The following NALF1 variants were observed in gnomAD, a reference collection of about 807,000 sequenced individuals.
The protein encoded by NALF1 is NALCN channel auxiliary factor 1, also known as family with sequence similarity 155 member A.
Under a neutral mutation model 48.4 loss-of-function variants are expected in NALF1, and 3 were observed. The observed-to-expected ratio is 0.06, with a 90% CI of 0.03 to 0.16. The LOEUF is 0.16. NALF1 is among the 10% of genes least tolerant of loss of function. The pLI, the probability that NALF1 is intolerant of heterozygous loss-of-function variation, is 1.00. For synonymous variants in NALF1, 262 were observed against 245.7 expected (o/e 1.07, Z -0.62); for missense variants, 526 against 571.5 (o/e 0.92, Z 0.81).
chr13:107,505,920 G>C (rs1452449213), intron 1 of NALF1, among the ~76,000 whole-genome samples: 2 of 152,142 alleles, frequency 1.3e-5, no homozygotes, highest in Non-Finnish European at 2.9e-5. Flanking sequence ...CATCGGCAGA[G>C]TGGTTTGCCT....
intron 1 of NALF1, among the ~76,000 whole-genome samples, chr13:107,296,210 T>G (rs992783112): frequency 5.8e-4 from 89 of 152,340 alleles, no homozygotes; most frequent in African/African-American, 2.1e-3. Flanking sequence ...CAAACATACA[T>G]TGCCAAAAGA....
intron 1 of NALF1, among the ~76,000 whole-genome samples, chr13:107,569,632 T>C (rs1268551105): frequency 4.6e-5 from 7 of 152,244 alleles, no homozygotes; most frequent in Non-Finnish European, 1.0e-4. Context: ...ACTGTATTGA[T>C]TACTGCATCT....
Position 107,170,405 on chromosome 13 carries a change from A to C in NALF1, c.*92T>G, listed in dbSNP as rs550345335. On this transcript the variant is annotated 3_prime_UTR_variant, in exon 3 of 3. Coordinates refer to ENST00000375915, the MANE Select transcript of NALF1 (RefSeq NM_001080396.3). ...TAAAGGCCTTGCAATAAGTAATTCGAGGGTAAAAGCACCCAGTTTCTGTTA... is the reference window on the plus strand; with the variant it reads ...TAAAGGCCTTGCAATAAGTAATTCGCGGGTAAAAGCACCCAGTTTCTGTTA... 58 of 1,316,698 alleles carry C rather than the reference A, an allele frequency of 4.4e-5. No individual in the cohort carries two copies. The highest frequency in any genetic ancestry group is 5.6e-5 in the Non-Finnish European group (54 of 958,892). 81.6% of individuals were successfully genotyped at this position (1,316,698 alleles called of 1,614,324 possible).
intron 1 of NALF1, among the ~76,000 whole-genome samples, chr13:107,629,573 G>A (rs719185): frequency 0.58 from 87,921 of 151,840 alleles, 27,924 homozygotes; most frequent in East Asian, 1. Context: ...TTCGAAAACC[G>A]TCTAAAACTC....
intron 1 of NALF1, among the ~76,000 whole-genome samples, chr13:107,567,854 G>A (rs561387510): frequency 5.6e-4 from 85 of 152,260 alleles, no homozygotes; most frequent in African/African-American, 1.9e-3. Context: ...GTTCAGAAAC[G>A]TTACATAAAT....
At chr13:107,768,221 A>G (rs1375116904) in intron 1 of NALF1, among the ~76,000 whole-genome samples, 1 of 152,220 alleles carries the variant, frequency 6.6e-6, no homozygotes, top group Non-Finnish European at 1.5e-5. Flanking sequence ...GGCTTTGAGC[A>G]GTATCTGGCA....
intron 1 of NALF1, among the ~76,000 whole-genome samples, chr13:107,233,582 G>A (rs1267718097): frequency 6.6e-6 from 1 of 152,040 alleles, no homozygotes; most frequent in Non-Finnish European, 1.5e-5. Flanking sequence ...CCCCCAACAG[G>A]CAATTGCAGC....
rs546908625 is a variant in NALF1, at chr13:107,591,255, C to T, written c.915+274427G>A. Among the ~76,000 whole-genome samples, 39 of 152,064 alleles carry T rather than the reference C, an allele frequency of 2.6e-4. No homozygotes were observed. The South Asian group carries it at 7.9e-3, about 31-fold the overall frequency. ...GATGGAAATATTCCAGAGACCTCTT[C>T]CCTCCCGCAGCTTTAGTAAATGCAG... On this transcript the variant is annotated intron_variant, in intron 1 of 2. Coordinates refer to ENST00000375915, the MANE Select transcript of NALF1 (RefSeq NM_001080396.3).
chr13:107,488,424 C>T (rs984693202), intron 1 of NALF1, among the ~76,000 whole-genome samples: 2 of 151,854 alleles, frequency 1.3e-5, no homozygotes, highest in African/African-American at 4.8e-5. Context: ...TATACATCTC[C>T]CCCTTAATAC....
intron 1 of NALF1, among the ~76,000 whole-genome samples, chr13:107,534,211 C>T (rs2139111243): frequency 6.6e-6 from 1 of 152,176 alleles, no homozygotes; most frequent in South Asian, 2.1e-4. Flanking sequence ...TTCACAAGCC[C>T]TTCAGATGAC....
At chr13:107,699,383 G>T (rs1881768807) in intron 1 of NALF1, among the ~76,000 whole-genome samples, 1 of 152,060 alleles carries the variant, frequency 6.6e-6, no homozygotes, top group African/African-American at 2.4e-5. Flanking sequence ...GTCTTAAATA[G>T]AAAACGGGTG....
chr13:107,416,983 A>G (rs1884100965), intron 1 of NALF1, among the ~76,000 whole-genome samples: 1 of 152,206 alleles, frequency 6.6e-6, no homozygotes, highest in African/African-American at 2.4e-5. Flanking sequence ...GTGGGTTCCC[A>G]TCACACTGAT....
Position 107,247,137 on chromosome 13 carries a change from A to G in NALF1, c.916-36382T>C, listed in dbSNP as rs531025830. ...CTTTTTATCACTTTGGATTAACATAAAGGAGAAAAAATAGATGGAAATGCA... is the reference window on the plus strand; with the variant it reads ...CTTTTTATCACTTTGGATTAACATAGAGGAGAAAAAATAGATGGAAATGCA... On this transcript the variant is annotated intron_variant, in intron 1 of 2. Coordinates refer to ENST00000375915, the MANE Select transcript of NALF1 (RefSeq NM_001080396.3). Among the ~76,000 whole-genome samples the G allele has an allele frequency of 1.1e-4, 17 of 152,320 alleles. No individual in the cohort carries two copies. In the South Asian group the frequency reaches 3.5e-3, roughly 32 times the overall value.
intron 1 of NALF1, among the ~76,000 whole-genome samples, chr13:107,529,700 T>C (rs980104773): frequency 1.3e-5 from 2 of 152,142 alleles, no homozygotes; most frequent in Non-Finnish European, 2.9e-5. Context: ...TTGGAAGATG[T>C]GATGAATTAA....
chr13:107,336,411 C>T (rs961695249), intron 1 of NALF1, among the ~76,000 whole-genome samples: 2 of 151,706 alleles, frequency 1.3e-5, no homozygotes, highest in East Asian at 1.9e-4. Context: ...AATATCTTCA[C>T]GAGTAGAAAA....
intron 1 of NALF1, among the ~76,000 whole-genome samples, chr13:107,379,292 C>T (rs1246378044): frequency 2.0e-5 from 3 of 152,202 alleles, no homozygotes; most frequent in South Asian, 2.1e-4. Flanking sequence ...AGGAAACAGC[C>T]GGAAACCAGC....
In NALF1 at chr13:107,290,484, T is replaced by G. The variant is rs142185494; in HGVS notation, c.916-79729A>C. On this transcript the variant is annotated intron_variant, in intron 1 of 2. Coordinates refer to ENST00000375915, the MANE Select transcript of NALF1 (RefSeq NM_001080396.3). ...CTGTTTTCATGGTAGTCTCACAAGATCTGATGATTTTATAAGGGGTTTCCC... is the reference window on the plus strand; with the variant it reads ...CTGTTTTCATGGTAGTCTCACAAGAGCTGATGATTTTATAAGGGGTTTCCC... Among the ~76,000 whole-genome samples the G allele has an allele frequency of 3.3e-3, 496 of 152,240 alleles. 5 individuals are homozygous for G. Among genetic ancestry groups the G allele is most frequent in the African/African-American group, 0.011 (461 of 41,542 alleles).
At chr13:107,555,358 C>T (rs566061604) in intron 1 of NALF1, among the ~76,000 whole-genome samples, 7 of 151,486 alleles carry the variant, frequency 4.6e-5, no homozygotes, top group South Asian at 4.2e-4. Flanking sequence ...CTGCAACCTC[C>T]GCCTCCCGGG....
chr13:107,860,548 A>G (rs571244748), intron 1 of NALF1, among the ~76,000 whole-genome samples: 2 of 152,300 alleles, frequency 1.3e-5, no homozygotes, highest in South Asian at 4.1e-4. Context: ...AGCGCCCTCA[A>G]AGATTTCCAG....
Sources: gnomAD v4.1 joint callset for allele counts (sites outside exome capture counted in the v4.1 genomes callset) on GRCh38, gnomAD v4.1.1 for gene constraint, MANE v1.5 for transcripts, NCBI Gene and HGNC (gene_info 2026-07-23, HGNC 2026-07-21) for gene names.